The following GPC5 variants were observed in gnomAD, a reference collection of about 807,000 sequenced individuals.
The protein encoded by GPC5 is glypican 5, also known as glypican-5.
Under a neutral mutation model 53.9 loss-of-function variants are expected in GPC5, and 47 were observed. That is an observed-to-expected ratio of 0.87 (90% CI 0.69 to 1.11). The LOEUF is 1.11. GPC5 is among the 50% of genes most tolerant of loss of function. The pLI is 0.00. For missense variants in GPC5, 748 were observed against 713.1 expected (o/e 1.05, Z -0.56); for synonymous variants, 286 against 263.3 (o/e 1.09, Z -0.84).
intron 7 of GPC5, among the ~76,000 whole-genome samples, chr13:92,370,054 AAGTCAAGGCTGATTGGTTT>A (rs1336087963): frequency 6.6e-6 from 1 of 152,216 alleles, no homozygotes; most frequent in East Asian, 1.9e-4. Context: ...ACCATCTTTC[AAGTCAAGGCTGATTGGTTT>A]CTTAGAAAAT....
At chr13:92,393,137 A>G (rs779865208) in intron 7 of GPC5, among the ~76,000 whole-genome samples, 7 of 152,230 alleles carry the variant, frequency 4.6e-5, no homozygotes, top group Non-Finnish European at 7.3e-5. Context: ...TTGCAAAGAT[A>G]TGGAATCAAT....
Position 92,638,908 on chromosome 13 carries a change from T to C in GPC5, c.1562-227374T>C, listed in dbSNP as rs547913419. Reference sequence around the variant, plus strand: ...ATTTTGACACATTTGTTTTTTAGTCTTTTGTTAGATACAAATACAGATTTT... The same window carrying C: ...ATTTTGACACATTTGTTTTTTAGTCCTTTGTTAGATACAAATACAGATTTT... On this transcript the variant is annotated intron_variant, in intron 7 of 7. Transcript: ENST00000377067. 2.0e-5 allele frequency among the ~76,000 whole-genome samples: 3 copies of C among 152,332 alleles called. No homozygotes were observed. The South Asian group carries it at 6.2e-4, about 32-fold the overall frequency.
Position 91,952,173 on chromosome 13 carries a change from TTC to T in GPC5, c.1401+44132_1401+44133del, listed in dbSNP as rs766210462. Reference sequence around the variant, plus strand: ...TGTTACCATTTTGGGTGATCTCTCTTTCTCTCTCTCTCTCTCTGTGTGTGTGT... The same window carrying T: ...TGTTACCATTTTGGGTGATCTCTCTTTCTCTCTCTCTCTCTGTGTGTGTGT... On this transcript the variant is annotated intron_variant, in intron 6 of 7. Coordinates refer to ENST00000377067, the MANE Select transcript of GPC5 (RefSeq NM_004466.6). 2.9e-3 allele frequency among the ~76,000 whole-genome samples: 307 copies of T among 106,730 alleles called. 1 individual carries two copies. Among genetic ancestry groups the T allele is most frequent in the Non-Finnish European group, 4.4e-3 (221 of 50,224 alleles). 70.0% of individuals were successfully genotyped at this position (106,730 alleles called of 152,430 possible). A position where few individuals can be genotyped will look rare whatever the true frequency, so the allele number is the denominator to read the frequency against.
At chr13:92,708,325 T>C (rs1194628354) in intron 7 of GPC5, among the ~76,000 whole-genome samples, 1 of 152,180 alleles carries the variant, frequency 6.6e-6, no homozygotes, top group African/African-American at 2.4e-5. Context: ...CTTTAAGTTA[T>C]ACTCAAAGGT....
chr13:91,579,548 C>T (rs2032268634), intron 2 of GPC5, among the ~76,000 whole-genome samples: 1 of 152,006 alleles, frequency 6.6e-6, no homozygotes, highest in African/African-American at 2.4e-5. Context: ...TCTACTTGTG[C>T]ATCCTAGTGT....
At chr13:92,863,734 C>G (rs1257513982) in intron 7 of GPC5, among the ~76,000 whole-genome samples, 2 of 152,166 alleles carry the variant, frequency 1.3e-5, no homozygotes, top group African/African-American at 4.8e-5. Context: ...CTCAGGTGAT[C>G]TGCCTGCATC....
At chr13:92,025,519 G>A (rs1047689521) in intron 6 of GPC5, among the ~76,000 whole-genome samples, 4 of 152,134 alleles carry the variant, frequency 2.6e-5, no homozygotes, top group East Asian at 1.9e-4. Flanking sequence ...ATTCCATGTC[G>A]GAAGTAGTCA....
At position 91,657,047 on chromosome 13, in the gene GPC5, T is replaced by C. The variant is rs2034862840; in HGVS notation, c.326-36140T>C. ...GGAAAGTTACTAAATATATATGAGA[T>C]ACTCTTGTACTCCTCCTGCAGGTGC... is the stretch of plus-strand genomic sequence containing the variant. On this transcript the variant is annotated intron_variant, in intron 2 of 7. Coordinates refer to ENST00000377067, the MANE Select transcript of GPC5 (RefSeq NM_004466.6). Among the ~76,000 whole-genome samples the C allele has an allele frequency of 2.0e-5, 3 of 152,212 alleles. No individual in the cohort carries two copies. The South Asian group carries it at 6.2e-4, about 32-fold the overall frequency.
intron 5 of GPC5, among the ~76,000 whole-genome samples, chr13:91,824,486 G>T (rs1004269342): frequency 6.6e-6 from 1 of 152,072 alleles, no homozygotes; most frequent in Non-Finnish European, 1.5e-5. Flanking sequence ...AATGTGAAAG[G>T]CAGATTAAAG....
At chr13:91,947,806 C>T (rs1244585556) in intron 6 of GPC5, among the ~76,000 whole-genome samples, 1 of 152,072 alleles carries the variant, frequency 6.6e-6, no homozygotes, top group African/African-American at 2.4e-5. Flanking sequence ...TTCCCGTCCC[C>T]CCAACCCCTG....
chr13:92,377,162 T>C (rs1282399257), intron 7 of GPC5, among the ~76,000 whole-genome samples: 3 of 152,222 alleles, frequency 2.0e-5, no homozygotes, highest in African/African-American at 4.8e-5. Context: ...AATCACTCAA[T>C]GCTACCATCA....
At chr13:92,663,111 A>G (rs1321300471) in intron 7 of GPC5, among the ~76,000 whole-genome samples, 1 of 152,196 alleles carries the variant, frequency 6.6e-6, no homozygotes, top group Non-Finnish European at 1.5e-5. Flanking sequence ...AAGTCCTGTG[A>G]GATGAGGAAA....
chr13:91,726,300 T>C (rs756381784), intron 3 of GPC5, among the ~76,000 whole-genome samples: 1 of 152,194 alleles, frequency 6.6e-6, no homozygotes, highest in Non-Finnish European at 1.5e-5. Context: ...AGATTTCTTA[T>C]TCAGGACTAC....
chr13:91,526,507 T>C (rs1258308361), intron 2 of GPC5, among the ~76,000 whole-genome samples: 1 of 152,174 alleles, frequency 6.6e-6, no homozygotes, highest in Non-Finnish European at 1.5e-5. Context: ...TAGAGAGAAC[T>C]AGATTAGAAT....
intron 7 of GPC5, among the ~76,000 whole-genome samples, chr13:92,749,790 T>C (rs1889334834): frequency 6.6e-6 from 1 of 152,162 alleles, no homozygotes; most frequent in Non-Finnish European, 1.5e-5. Flanking sequence ...CGCTAATTTG[T>C]ACAATTAAAA....
At chr13:92,238,905 A>G (rs1197025860) in intron 7 of GPC5, among the ~76,000 whole-genome samples, 2 of 151,568 alleles carry the variant, frequency 1.3e-5, no homozygotes. Context: ...AGGTCTTTGA[A>G]CTATTTTGAC....
chr13:92,350,722 TATTA>T (rs1361250096), intron 7 of GPC5, among the ~76,000 whole-genome samples: 1 of 152,194 alleles, frequency 6.6e-6, no homozygotes, highest in Non-Finnish European at 1.5e-5. Flanking sequence ...AGCATAAGTA[TATTA>T]ATTAGCTTAA....
intron 7 of GPC5, among the ~76,000 whole-genome samples, chr13:92,832,459 T>A (rs1878078426): frequency 6.6e-6 from 1 of 152,218 alleles, no homozygotes; most frequent in Non-Finnish European, 1.5e-5. Context: ...TTCTTTGTAT[T>A]TCTAATATTT....
intron 7 of GPC5, among the ~76,000 whole-genome samples, chr13:92,385,445 C>CAT (rs879904001): frequency 0.12 from 9,575 of 82,458 alleles, 1,776 homozygotes; most frequent in Non-Finnish European, 0.16. Flanking sequence ...TACATATATA[C>CAT]ATATATACAT....
Sources: allele counts gnomAD v4.1 joint callset (sites outside exome capture counted in the v4.1 genomes callset), GRCh38; gene constraint gnomAD v4.1.1; transcripts MANE v1.5; gene names NCBI Gene and HGNC (gene_info 2026-07-23, HGNC 2026-07-21).